Variants in ENOX1 observed in about 807,000 individuals in gnomAD.
ENOX1 encodes the protein ecto-NOX disulfide-thiol exchanger 1.
Under a neutral mutation model 82.5 loss-of-function variants are expected in ENOX1, and 42 were observed. The ratio of observed to expected loss-of-function variants is 0.51; its 90% CI spans 0.40 to 0.66. The LOEUF is 0.66. Among genes scored for constraint, ENOX1 ranks in the 30% least tolerant of loss-of-function variants. ENOX1 has a pLI of 0.00. For synonymous variants in ENOX1, 271 were observed against 282.2 expected (o/e 0.96, Z 0.40); for missense variants, 608 against 811.6 (o/e 0.75, Z 3.05).
chr13:43,622,548 G>A (rs1411188772), intron 2 of ENOX1, among the ~76,000 whole-genome samples: 1 of 152,180 alleles, frequency 6.6e-6, no homozygotes, highest in Non-Finnish European at 1.5e-5. Context: ...AAGTCTACCT[G>A]GCTCCAGGCT....
At chr13:43,694,048 C>T (rs1396219653) in intron 1 of ENOX1, among the ~76,000 whole-genome samples, 6 of 152,124 alleles carry the variant, frequency 3.9e-5, no homozygotes, top group East Asian at 1.9e-4. Flanking sequence ...GCTGCTAATC[C>T]GATGTAAATT....
intron 3 of ENOX1, among the ~76,000 whole-genome samples, chr13:43,432,728 T>C (rs2055754372): frequency 6.6e-6 from 1 of 152,206 alleles, no homozygotes; most frequent in Non-Finnish European, 1.5e-5. Context: ...TTCAACTCCG[T>C]CTCAGCCCTG....
intron 1 of ENOX1, among the ~76,000 whole-genome samples, chr13:43,698,459 A>G (rs2086750442): frequency 6.6e-6 from 1 of 152,252 alleles, no homozygotes; most frequent in South Asian, 2.1e-4. Context: ...GCCAAATCAC[A>G]GCATAAATAA....
At chr13:43,784,933 C>A (rs979139618) in intron 1 of ENOX1, among the ~76,000 whole-genome samples, 25 of 152,326 alleles carry the variant, frequency 1.6e-4, no homozygotes, top group South Asian at 1.5e-3. Flanking sequence ...AAATCAGTAT[C>A]ATTTATACGT....
intron 14 of ENOX1, among the ~76,000 whole-genome samples, chr13:43,243,817 A>G (rs1173612693): frequency 1.3e-5 from 2 of 152,128 alleles, no homozygotes; most frequent in East Asian, 3.9e-4. Flanking sequence ...TCAAACTAGC[A>G]TATCTTCTTT....
chr13:43,528,887 C>G (rs1478017256), intron 2 of ENOX1, among the ~76,000 whole-genome samples: 2 of 151,956 alleles, frequency 1.3e-5, no homozygotes, highest in Non-Finnish European at 2.9e-5. Flanking sequence ...CCCACTTAAT[C>G]TGAAGGCACA....
intron 3 of ENOX1, among the ~76,000 whole-genome samples, chr13:43,430,722 A>G (rs973579669): frequency 6.6e-6 from 1 of 152,228 alleles, no homozygotes. Context: ...AAATGATACC[A>G]AGTGCAAAAA....
intron 5 of ENOX1, among the ~76,000 whole-genome samples, chr13:43,386,931 C>G (rs1334003926): frequency 4.0e-5 from 6 of 151,814 alleles, no homozygotes; most frequent in Non-Finnish European, 8.8e-5. Flanking sequence ...TAGTGGAACA[C>G]CTTTAAAAAA....
chr13:43,276,111 C>T (rs2045012957), intron 12 of ENOX1, among the ~76,000 whole-genome samples: 1 of 152,116 alleles, frequency 6.6e-6, no homozygotes, highest in Admixed American at 6.6e-5. Flanking sequence ...TGTAACTTTG[C>T]TATAAATCAG....
At chr13:43,719,302 TACACACACACACACACACACACACAC>T (rs3024232) in intron 1 of ENOX1, among the ~76,000 whole-genome samples, 2 of 126,682 alleles carry the variant, frequency 1.6e-5, no homozygotes, top group Non-Finnish European at 3.3e-5. Flanking sequence ...TTCATTCAAA[TACACACACACACACACACACACACAC>T]ACACACACAC....
At chr13:43,544,614 G>A (rs1372686852) in intron 2 of ENOX1, 2 of 152,056 alleles carry the variant, frequency 1.3e-5, no homozygotes, top group East Asian at 3.9e-4. Flanking sequence ...TACACTTATT[G>A]CCAAAATAAT....
chr13:43,598,196 G>C (rs1323149304), intron 2 of ENOX1, among the ~76,000 whole-genome samples: 1 of 123,836 alleles, frequency 8.1e-6, no homozygotes, highest in African/African-American at 3.9e-5. Context: ...TACAAAATAG[G>C]CCTTTAAAGA....
chr13:43,456,786 C>T (rs1426453213), intron 3 of ENOX1, among the ~76,000 whole-genome samples: 1 of 152,134 alleles, frequency 6.6e-6, no homozygotes, highest in Non-Finnish European at 1.5e-5. Flanking sequence ...AGGGCAGGGC[C>T]TAACTACTCC....
At chr13:43,646,255 T>C (rs1167438619) in intron 2 of ENOX1, among the ~76,000 whole-genome samples, 2 of 152,226 alleles carry the variant, frequency 1.3e-5, no homozygotes, top group Non-Finnish European at 2.9e-5. Flanking sequence ...CGAGCATGTA[T>C]GAATCAGGCA....
At chr13:43,472,843 A>G (rs1047229526) in intron 3 of ENOX1, among the ~76,000 whole-genome samples, 3 of 152,204 alleles carry the variant, frequency 2.0e-5, no homozygotes, top group Admixed American at 2.0e-4. Flanking sequence ...AGTACAGAGT[A>G]ATGAAAGGTT....
intron 1 of ENOX1, among the ~76,000 whole-genome samples, chr13:43,687,622 A>G (rs927100614): frequency 2.0e-5 from 3 of 152,118 alleles, no homozygotes; most frequent in Non-Finnish European, 4.4e-5. Flanking sequence ...CAGGAGAGAG[A>G]GGAGGGCGGG....
At chr13:43,715,698 T>C (rs1487169827) in intron 1 of ENOX1, among the ~76,000 whole-genome samples, 2 of 152,238 alleles carry the variant, frequency 1.3e-5, no homozygotes, top group African/African-American at 2.4e-5. Context: ...ACTTCCTTTC[T>C]GGCTTCATTT....
intron 2 of ENOX1, among the ~76,000 whole-genome samples, chr13:43,579,515 T>C (rs968299551): frequency 2.0e-5 from 3 of 152,244 alleles, no homozygotes; most frequent in African/African-American, 7.2e-5. Context: ...GCATTTCTAC[T>C]ATTTTCACAA....
At chr13:43,593,953 T>C (rs1203636730) in intron 2 of ENOX1, among the ~76,000 whole-genome samples, 1 of 152,118 alleles carries the variant, frequency 6.6e-6, no homozygotes, top group Non-Finnish European at 1.5e-5. Flanking sequence ...TCTGGAGGTA[T>C]CTCTACAAGG....
Sources: gnomAD v4.1 joint callset for allele counts (sites outside exome capture counted in the v4.1 genomes callset) on GRCh38, gnomAD v4.1.1 for gene constraint, MANE v1.5 for transcripts, NCBI Gene and HGNC (gene_info 2026-07-23, HGNC 2026-07-21) for gene names.